PRRC2B: variants seen among roughly 807,000 people sequenced by gnomAD.
PRRC2B encodes protein PRRC2B.
A neutral mutation model predicts 242.3 loss-of-function variants in PRRC2B; 68 were observed. That is an observed-to-expected ratio of 0.28 (90% CI 0.23 to 0.34). The LOEUF is 0.34. Ranked by LOEUF, PRRC2B falls within the 10% of genes least tolerant of loss-of-function variation. The pLI is 1.00. For synonymous variants in PRRC2B, 1,228 were observed against 1,173.6 expected, an observed-to-expected ratio of 1.05 and a Z score of -0.95; for missense variants, 2,835 against 2,954.8, an observed-to-expected ratio of 0.96 and a Z score of 0.94.
At chr9:131,444,417 C>T (rs555726703) in intron 6 of PRRC2B, 89 bp downstream of exon 6, 1 of 1,410,234 alleles carries the variant, frequency 7.1e-7, no homozygotes, top group Non-Finnish European at 9.6e-7. Context: ...GCTGATGCCA[C>T]TGGGGTCTCC....
chr9:131,428,254 T>C (rs1162855847), intron 1 of PRRC2B, among the ~76,000 whole-genome samples: 1 of 151,780 alleles, frequency 6.6e-6, no homozygotes, highest in Admixed American at 6.6e-5. Flanking sequence ...AGGATCTTGC[T>C]CTGTTGCTCG....
In PRRC2B at chr9:131,459,338, ACCAGG is replaced by A; in HGVS notation, c.1389_1393del (p.Gly464Ter). The A allele has an allele frequency of 6.2e-7, 1 of 1,613,448 alleles. No homozygotes were observed. Among genetic ancestry groups the A allele is most frequent in the Non-Finnish European group, 8.5e-7 (1 of 1,179,580 alleles). On this transcript the variant is annotated frameshift_variant, in exon 11 of 32. Coordinates refer to ENST00000683519, the MANE Select transcript of PRRC2B (RefSeq NM_013318.4). LOFTEE classifies it high-confidence loss of function. ...CGCCCAGGAAGCTTCATGGCTGGGCACCAGGCCCTGACTACCAGGTACCAAGGGCC... is the reference window on the plus strand; with the variant it reads ...CGCCCAGGAAGCTTCATGGCTGGGCACCCTGACTACCAGGTACCAAGGGCC...
intron 24 of PRRC2B, 56 bp from the exon 25 acceptor site, chr9:131,484,892 G>A (rs1483165287): frequency 3.0e-5 from 48 of 1,580,632 alleles, no homozygotes; most frequent in Non-Finnish European, 4.1e-5. Context: ...GATTGGCTCT[G>A]TCCACTGCCA....
chr9:131,404,216 C>CTTTT (rs34149279), intron 1 of PRRC2B, among the ~76,000 whole-genome samples: 2 of 127,036 alleles, frequency 1.6e-5, no homozygotes, highest in Non-Finnish European at 1.7e-5. Context: ...TCCCAGTTGA[C>CTTTT]TTTTTTTTTT....
At chr9:131,454,135 T>C (rs1194267121) in intron 9 of PRRC2B, among the ~76,000 whole-genome samples, 2 of 152,264 alleles carry the variant, frequency 1.3e-5, no homozygotes, top group African/African-American at 4.8e-5. Context: ...GTGGCCTTTC[T>C]TGTCTGGCTT....
chr9:131,447,791 T>C lies in PRRC2B; in HGVS notation c.1107T>C (p.Asp369=), dbSNP rs1838852093. Residue 369 remains aspartate, a synonymous_variant, in exon 9 of 32, where the codon GAT becomes GAC. Transcript: ENST00000683519. ...KGLDDLDADA[D]DGWAGLHEEV... ...TTGACGATCTGGACGCCGATGCCGA[T>C]GATGGCTGGGCAGGTGGGCAGAGAA... 2 of 1,612,710 alleles carry C rather than the reference T, an allele frequency of 1.2e-6. No individual in the cohort carries two copies. Among genetic ancestry groups the C allele is most frequent in the Admixed American group, 1.7e-5 (1 of 59,962 alleles).
rs1944068078 is a variant in PRRC2B, at chr9:131,487,754, G to GA, written c.5985-101dup. 1 of 1,478,574 alleles carries GA rather than the reference G, an allele frequency of 6.8e-7. No individual in the cohort carries two copies. Among genetic ancestry groups the GA allele is most frequent in the Non-Finnish European group, 9.1e-7 (1 of 1,101,168 alleles). 91.6% of individuals were successfully genotyped at this position (1,478,574 alleles called of 1,614,324 possible). A position where few individuals can be genotyped will look rare whatever the true frequency, so the allele number is the denominator to read the frequency against. On this transcript the variant is annotated intron_variant, in intron 27 of 31. Transcript: ENST00000683519. The surrounding 1 kb of genome is among the most constrained non-coding windows in gnomAD (Gnocchi z 5.3). The stretch of plus-strand genomic sequence containing the variant: ...GTCGCGCTCTGGGGGTGGGGCCGGG[G>GA]ATCTGTGGTTTAGCAAGCTCTCCGG...
At chr9:131,440,904 A>C (rs1170685845) in intron 5 of PRRC2B, among the ~76,000 whole-genome samples, 1 of 152,156 alleles carries the variant, frequency 6.6e-6, no homozygotes, top group East Asian at 1.9e-4. Context: ...GTTCGAGACC[A>C]GCCTGGGCAA....
At chr9:131,419,523 T>G (rs1447831044) in intron 1 of PRRC2B, among the ~76,000 whole-genome samples, 1 of 152,020 alleles carries the variant, frequency 6.6e-6, no homozygotes. Context: ...TCTGGAGAGA[T>G]GAGCACTGTC....
At chr9:131,432,912 G>T (rs1838227288) in intron 3 of PRRC2B, 118 bp downstream of exon 3, 1 of 993,202 alleles carries the variant, frequency 1.0e-6, no homozygotes. Context: ...TCTTGCAGTG[G>T]CAGAATTGGA....
rs1349543874 is a variant in PRRC2B, at chr9:131,444,346, C to T, written c.613+18C>T. 1 of 1,607,234 alleles carries T rather than the reference C, an allele frequency of 6.2e-7. No homozygotes were observed. The highest frequency in any genetic ancestry group is 2.2e-5 in the East Asian group (1 of 44,602). The stretch of plus-strand genomic sequence containing the variant: ...CCCTCAGAGTAAGTGACTGCAGCCT[C>T]TGGGCACTCGATGGAGTAACAGAAC... On this transcript the variant is annotated intron_variant, in intron 6 of 31. Coordinates refer to ENST00000683519, the MANE Select transcript of PRRC2B (RefSeq NM_013318.4).
chr9:131,484,582 A>G, intron 23 of PRRC2B, 104 bp from the exon 24 acceptor site: 6 of 897,926 alleles, frequency 6.7e-6, no homozygotes, highest in Non-Finnish European at 1.0e-5. Context: ...TCATAGATAC[A>G]TTTGGACGAG....
intron 31 of PRRC2B, among the ~76,000 whole-genome samples, chr9:131,495,100 G>A (rs1362347752): frequency 1.3e-5 from 2 of 152,156 alleles, no homozygotes; most frequent in African/African-American, 2.4e-5. Context: ...AAAGTTGTGT[G>A]GAATGAGCTT....
intron 23 of PRRC2B, among the ~76,000 whole-genome samples, chr9:131,484,356 A>G (rs961032745): frequency 6.6e-6 from 1 of 152,132 alleles, no homozygotes. Flanking sequence ...GGAGGGCACT[A>G]TGGAGTGTGG....
At chr9:131,375,494 G>A (rs1203521521) in intron 1 of PRRC2B, among the ~76,000 whole-genome samples, 1 of 152,150 alleles carries the variant, frequency 6.6e-6, no homozygotes, top group Non-Finnish European at 1.5e-5. Context: ...AAGGTGCTTA[G>A]AATAATGCCT....
chr9:131,464,565 G>A (rs1160985318), intron 11 of PRRC2B, among the ~76,000 whole-genome samples, 198 bp from the exon 12 acceptor site: 1 of 152,182 alleles, frequency 6.6e-6, no homozygotes, highest in Non-Finnish European at 1.5e-5. Context: ...ATGGAGAGTT[G>A]GCACTTGGCC....
At chr9:131,448,543 C>CAA (rs754661321) in intron 9 of PRRC2B, among the ~76,000 whole-genome samples, 1,199 of 39,850 alleles carry the variant, frequency 0.03, 255 homozygotes, top group African/African-American at 0.061. Flanking sequence ...GACACTGTCT[C>CAA]AAAAAAAAAA....
intron 1 of PRRC2B, among the ~76,000 whole-genome samples, chr9:131,398,630 A>G (rs892150320): frequency 2.0e-5 from 3 of 152,150 alleles, no homozygotes; most frequent in Admixed American, 6.6e-5. Context: ...GTCAGGCAAT[A>G]GATACTCCTT....
chr9:131,408,198 T>C (rs1023520075), intron 1 of PRRC2B, among the ~76,000 whole-genome samples: 1 of 152,210 alleles, frequency 6.6e-6, no homozygotes, highest in South Asian at 2.1e-4. Context: ...ATTTACCTAA[T>C]GAGAGGTCTC....
Sources: gnomAD v4.1 joint callset for allele counts (sites outside exome capture counted in the v4.1 genomes callset) on GRCh38, gnomAD v4.1.1 for gene constraint, Gnocchi (gnomAD v3.1) non-coding constraint, MANE v1.5 for transcripts, NCBI Gene and HGNC (gene_info 2026-07-23, HGNC 2026-07-21) for gene names.